ERAP1: variants seen among roughly 807,000 people sequenced by gnomAD.
The protein encoded by ERAP1 is adipocyte-derived leucine aminopeptidase.
Under a neutral mutation model 103.7 loss-of-function variants are expected in ERAP1, and 86 were observed. That is an observed-to-expected ratio of 0.83 (90% CI 0.70 to 0.99). The LOEUF (loss-of-function observed/expected upper bound fraction) is 0.99, where lower values mean the gene tolerates loss of function less well. Among genes scored for constraint, ERAP1 ranks in the 50% least tolerant of loss-of-function variants. The probability of loss-of-function intolerance (pLI) is 0.00; values close to 1 mark genes in which losing one functional copy is unlikely to be tolerated. For synonymous variants in ERAP1, 398 were observed against 402.4 expected (o/e 0.99, Z 0.13); for missense variants, 1,009 against 1,128.4 (o/e 0.89, Z 1.52).
chr5:96,792,132 G>A lies in ERAP1; in HGVS notation c.1249C>T (p.His417Tyr). The A allele has an allele frequency of 6.2e-7, 1 of 1,613,922 alleles. No individual in the cohort carries two copies. Among genetic ancestry groups the A allele is most frequent in the South Asian group, 1.1e-5 (1 of 91,082 alleles). The change falls in exon 8 of 19, where the codon CAC becomes TAC. Residue 417 changes from histidine to tyrosine, a missense_variant. His to Tyr is a moderately conservative substitution (Grantham distance 83). Around this residue, in one of 3 missense-constraint regions of ERAP1, gnomAD observed 611 missense variants for 651.7 expected, o/e 0.94. Transcript: ENST00000443439. ...TTTTCCACAGGTGTAGACACAGGGTGTGAGGAATTTAAAGCATCTACCTCC... is the reference window on the plus strand; with the variant it reads ...TTTTCCACAGGTGTAGACACAGGGTATGAGGAATTTAAAGCATCTACCTCC... Reference protein sequence around the residue: ...AMEVDALNSSHPVSTPVENPA... With the variant: ...AMEVDALNSSYPVSTPVENPA...
chr5:96,858,475 G>A, the ERAP1 span, among the ~76,000 whole-genome samples: 1 of 152,140 alleles, frequency 6.6e-6, no homozygotes, highest in Non-Finnish European at 1.5e-5. Context: ...GGAATTACAG[G>A]TGTGAGCCAC....
At chr5:96,873,539 G>C in the ERAP1 span, 1 of 454,188 alleles carries the variant, frequency 2.2e-6, no homozygotes, top group African/African-American at 2.0e-5. Flanking sequence ...TTTACACAGG[G>C]GACACTCTGA....
chr5:96,830,191 A>G, the ERAP1 span, among the ~76,000 whole-genome samples: 1 of 152,226 alleles, frequency 6.6e-6, no homozygotes, highest in Non-Finnish European at 1.5e-5. Context: ...AAAGTAGCCT[A>G]TGTACAGACT....
At chr5:96,895,364 G>A in the ERAP1 span, 2 of 1,569,924 alleles carry the variant, frequency 1.3e-6, no homozygotes, top group Non-Finnish European at 1.8e-6. Flanking sequence ...CAATTTGTAA[G>A]TTCACAATTC....
At chr5:96,813,650 C>CAAAAA in the ERAP1 span, among the ~76,000 whole-genome samples, 115 of 55,144 alleles carry the variant, frequency 2.1e-3, 33 homozygotes, top group East Asian at 0.014. Flanking sequence ...AGACTCATCT[C>CAAAAA]AAAAAAAAAA....
chr5:96,874,761 G>A, the ERAP1 span, among the ~76,000 whole-genome samples: 11 of 152,328 alleles, frequency 7.2e-5, no homozygotes, highest in East Asian at 9.6e-4. Context: ...GACTTAACTA[G>A]GATCTAATCA....
In ERAP1 at chr5:96,775,803, C is replaced by T. The variant is rs533760356; in HGVS notation, c.*593G>A. 9 of 291,192 alleles carry T rather than the reference C, an allele frequency of 3.1e-5. No individual in the cohort carries two copies. The East Asian group carries it at 1.5e-3, about 49-fold the overall frequency. 18.0% of individuals were successfully genotyped at this position (291,192 alleles called of 1,614,324 possible). A position where few individuals can be genotyped will look rare whatever the true frequency, so the allele number is the denominator to read the frequency against. ...AGGGAATCAGGGAAGAACACCTCCA[C>T]CTACTACCTCCTCCGACCCCAGCTC... is the stretch of plus-strand genomic sequence containing the variant. On this transcript the variant is annotated 3_prime_UTR_variant, in exon 19 of 19. Transcript: ENST00000443439.
the ERAP1 span, chr5:96,912,629 T>G: frequency 6.3e-7 from 1 of 1,591,926 alleles, no homozygotes; most frequent in Admixed American, 1.9e-5. Flanking sequence ...TTATGCTTGA[T>G]ATTACAGTAT....
chr5:96,814,815 A>G, the ERAP1 span, among the ~76,000 whole-genome samples: 1 of 152,226 alleles, frequency 6.6e-6, no homozygotes, highest in Admixed American at 6.5e-5. Flanking sequence ...TATAGGCCCA[A>G]TGGAAGCTCA....
At chr5:96,878,620 A>G in the ERAP1 span, among the ~76,000 whole-genome samples, 11 of 151,534 alleles carry the variant, frequency 7.3e-5, no homozygotes, top group African/African-American at 2.7e-4. Context: ...ATGGTGACAC[A>G]TTGTCTTTCA....
In ERAP1 at chr5:96,795,027, G is replaced by A. The variant is rs1266158102; in HGVS notation, c.919+15C>T. The stretch of plus-strand genomic sequence containing the variant: ...TCATCAAATGTCATGTGTAATATCT[G>A]TGCAAAATCTCTACCTTGTTTGGGT... On this transcript the variant is annotated intron_variant, in intron 5 of 18. Transcript: ENST00000443439. 1 of 1,613,492 alleles carries A rather than the reference G, an allele frequency of 6.2e-7. No homozygotes were observed. The highest frequency in any genetic ancestry group is 1.7e-5 in the Admixed American group (1 of 59,974).
the ERAP1 span, among the ~76,000 whole-genome samples, chr5:96,891,526 C>T: frequency 5.4e-5 from 2 of 36,952 alleles, no homozygotes; most frequent in African/African-American, 1.2e-4. Flanking sequence ...TGCCCATATA[C>T]GGTATATATA....
the ERAP1 span, among the ~76,000 whole-genome samples, chr5:96,835,801 G>T: frequency 3.9e-5 from 6 of 152,188 alleles, no homozygotes; most frequent in East Asian, 1.2e-3. Context: ...ACTGGAGCAG[G>T]GTCTTCAAAA....
At chr5:96,847,750 A>C in the ERAP1 span, among the ~76,000 whole-genome samples, 1 of 152,210 alleles carries the variant, frequency 6.6e-6, no homozygotes, top group African/African-American at 2.4e-5. Flanking sequence ...ATTAAAAGGG[A>C]AATGAAAAGA....
the ERAP1 span, among the ~76,000 whole-genome samples, chr5:96,888,688 C>T: frequency 3.3e-5 from 5 of 152,156 alleles, no homozygotes; most frequent in African/African-American, 7.2e-5. Context: ...TAGCTAATTT[C>T]TTTGGGGGAG....
At chr5:96,771,691 T>C, downstream of ERAP1, 2 of 1,605,716 alleles carry the variant, frequency 1.2e-6, no homozygotes, top group Non-Finnish European at 1.7e-6. Context: ...GAAATACAAG[T>C]TAAGGTATCT....
At chr5:96,900,246 G>C in the ERAP1 span, 1 of 1,608,850 alleles carries the variant, frequency 6.2e-7, no homozygotes, top group Non-Finnish European at 8.5e-7. Context: ...CTGACCTAGA[G>C]TGAGTATGAC....
chr5:96,919,878 C>T, the ERAP1 span, among the ~76,000 whole-genome samples: 1 of 152,188 alleles, frequency 6.6e-6, no homozygotes, highest in Admixed American at 6.5e-5. Flanking sequence ...GGTTTGACTT[C>T]TCTGGGCCTC....
At chr5:96,844,316 A>G in the ERAP1 span, among the ~76,000 whole-genome samples, 27 of 152,328 alleles carry the variant, frequency 1.8e-4, no homozygotes, top group East Asian at 5.0e-3. Flanking sequence ...TATAATTCAA[A>G]TATACTTACT....
Sources: gnomAD v4.1 joint callset for allele counts (sites outside exome capture counted in the v4.1 genomes callset) on GRCh38, gnomAD v4.1.1 for gene constraint, gnomAD v4.1.1 regional missense constraint, MANE v1.5 for transcripts, NCBI Gene and HGNC (gene_info 2026-07-23, HGNC 2026-07-21) for gene names.